KPNA3: variants seen among roughly 807,000 people sequenced by gnomAD.
KPNA3 encodes karyopherin subunit alpha 3, also known as importin subunit alpha-4.
Under a neutral mutation model 73.8 loss-of-function variants are expected in KPNA3, and 13 were observed. That is an observed-to-expected ratio of 0.18 (90% CI 0.11 to 0.28). The LOEUF is 0.28. KPNA3 is among the 10% of genes least tolerant of loss of function. The probability of loss-of-function intolerance (pLI) is 1.00; values close to 1 mark genes in which losing one functional copy is unlikely to be tolerated. For synonymous variants in KPNA3, 186 were observed against 206.9 expected, an observed-to-expected ratio of 0.90 and a Z score of 0.87; for missense variants, 360 against 618.1, an observed-to-expected ratio of 0.58 and a Z score of 4.43.
intron 7 of KPNA3, among the ~76,000 whole-genome samples, chr13:49,723,833 G>A (rs1287555201): frequency 6.8e-6 from 1 of 147,480 alleles, no homozygotes; most frequent in Non-Finnish European, 1.5e-5. Flanking sequence ...TCACGCCACT[G>A]CACTCCAGCC....
chr13:49,790,422 T>A lies in KPNA3; in HGVS notation c.69+2016A>T, dbSNP rs78301088. Among the ~76,000 whole-genome samples the A allele has an allele frequency of 3.3e-3, 499 of 152,320 alleles. 1 individual carries two copies. The highest frequency in any genetic ancestry group is 6.0e-3 in the Non-Finnish European group (410 of 68,026). On this transcript the variant is annotated intron_variant, in intron 1 of 16. Transcript: ENST00000261667. ...TTTGAGCTTGCAGCTGAGCTATGAG[T>A]GCCTGAGCACTCCAACTTGGGTAAA...
intron 2 of KPNA3, among the ~76,000 whole-genome samples, chr13:49,739,857 T>TA (rs1196859152): frequency 6.6e-6 from 1 of 152,222 alleles, no homozygotes; most frequent in Admixed American, 6.5e-5. Context: ...AGACCTGCTT[T>TA]AAACATATTA....
At chr13:49,748,509 C>T (rs1390196835) in intron 1 of KPNA3, among the ~76,000 whole-genome samples, 1 of 151,932 alleles carries the variant, frequency 6.6e-6, no homozygotes, top group Admixed American at 6.6e-5. Context: ...TGCCAAGGTT[C>T]AGTGTGCTAT....
intron 1 of KPNA3, among the ~76,000 whole-genome samples, chr13:49,752,900 G>A (rs2146437): frequency 0.42 from 63,981 of 150,548 alleles, 14,069 homozygotes; most frequent in South Asian, 0.59. Context: ...GGTGGCGGGC[G>A]CCTGTAGTCC....
intron 2 of KPNA3, among the ~76,000 whole-genome samples, chr13:49,733,774 T>A (rs1023347844): frequency 2.6e-5 from 4 of 152,180 alleles, no homozygotes; most frequent in Non-Finnish European, 5.9e-5. Context: ...TTTTGCAACT[T>A]TTTTCCTGAA....
intron 10 of KPNA3, among the ~76,000 whole-genome samples, chr13:49,717,419 G>A (rs1224848073): frequency 1.7e-5 from 2 of 115,240 alleles, no homozygotes; most frequent in Non-Finnish European, 1.6e-5. Context: ...GACAGAGCAA[G>A]ACTCCATCTC....
At chr13:49,771,518 C>G (rs2137594385) in intron 1 of KPNA3, among the ~76,000 whole-genome samples, 1 of 152,272 alleles carries the variant, frequency 6.6e-6, no homozygotes, top group South Asian at 2.1e-4. Flanking sequence ...GCCAGTGGCG[C>G]AATCACCATT....
chr13:49,703,548 C>A (rs1193147360), intron 15 of KPNA3, among the ~76,000 whole-genome samples: 1 of 152,004 alleles, frequency 6.6e-6, no homozygotes, highest in Non-Finnish European at 1.5e-5. Context: ...ATGTTATTAC[C>A]TTTATATAAC....
At chr13:49,715,890 C>T (rs1047779576) in intron 10 of KPNA3, among the ~76,000 whole-genome samples, 1 of 152,322 alleles carries the variant, frequency 6.6e-6, no homozygotes, top group East Asian at 1.9e-4. Flanking sequence ...GGCCTAAATG[C>T]CTATCCATAA....
At chr13:49,753,750 G>A (rs1265947166) in intron 1 of KPNA3, among the ~76,000 whole-genome samples, 5 of 152,300 alleles carry the variant, frequency 3.3e-5, no homozygotes, top group South Asian at 4.1e-4. Flanking sequence ...AACTGAGCAC[G>A]TGAGGGATCT....
At chr13:49,775,600 C>T (rs1954891721) in intron 1 of KPNA3, among the ~76,000 whole-genome samples, 1 of 152,162 alleles carries the variant, frequency 6.6e-6, no homozygotes. Flanking sequence ...AGGCCCAGTT[C>T]ATCCCCACCA....
chr13:49,788,688 C>CT (rs1466804391), intron 1 of KPNA3, among the ~76,000 whole-genome samples: 1 of 149,706 alleles, frequency 6.7e-6, no homozygotes, highest in Non-Finnish European at 1.5e-5. Context: ...GGCCACTGCA[C>CT]TCCACCCTTG....
At chr13:49,731,557 C>G (rs999932135) in intron 6 of KPNA3, among the ~76,000 whole-genome samples, 1 of 152,024 alleles carries the variant, frequency 6.6e-6, no homozygotes, top group Admixed American at 6.6e-5. Flanking sequence ...TACTAAAAAC[C>G]CTTAGTGGCA....
chr13:49,717,489 G>A (rs956820064), intron 10 of KPNA3, among the ~76,000 whole-genome samples: 4 of 149,350 alleles, frequency 2.7e-5, no homozygotes, highest in South Asian at 2.1e-4. Flanking sequence ...ACTCCTTAGC[G>A]AACGTATTAG....
At position 49,716,229 on chromosome 13, in the gene KPNA3, C is replaced by T. The variant is rs184706775; in HGVS notation, c.771+3546G>A. On this transcript the variant is annotated intron_variant, in intron 10 of 16. Coordinates refer to ENST00000261667, the MANE Select transcript of KPNA3 (RefSeq NM_002267.4). ...CTGGGCTTGAACTCCTGGGCTCAAG[C>T]GATTTTCTTGCCTTTGATCTATATT... 2.6e-5 allele frequency among the ~76,000 whole-genome samples: 4 copies of T among 152,116 alleles called. No homozygotes were observed. In the East Asian group the frequency reaches 5.8e-4, roughly 22 times the overall value.
chr13:49,792,673 C>T lies in KPNA3; in HGVS notation c.-167G>A. ...GGTGGCAGTAGCGCCGGGGGAGGCGCGGGCCGACTGCCGGGCCGGGTGGGG... is the reference window on the plus strand; with the variant it reads ...GGTGGCAGTAGCGCCGGGGGAGGCGTGGGCCGACTGCCGGGCCGGGTGGGG... On this transcript the variant is annotated 5_prime_UTR_variant, in exon 1 of 17. Transcript: ENST00000261667. The T allele has an allele frequency of 2.8e-6, 1 of 362,786 alleles. No individual in the cohort carries two copies. The highest frequency in any genetic ancestry group is 2.4e-5 in the South Asian group (1 of 40,918). The allele number at this position is 362,786 out of a possible 1,614,324, so 22.5% of individuals were successfully genotyped here.
intron 1 of KPNA3, among the ~76,000 whole-genome samples, chr13:49,781,303 T>C (rs933543602): frequency 6.6e-6 from 1 of 152,090 alleles, no homozygotes; most frequent in Non-Finnish European, 1.5e-5. Flanking sequence ...TGAGGTAGAG[T>C]AGGAAAATGG....
intron 6 of KPNA3, among the ~76,000 whole-genome samples, chr13:49,730,635 ATACTT>A: frequency 6.7e-6 from 1 of 149,030 alleles, no homozygotes; most frequent in Non-Finnish European, 1.5e-5. Flanking sequence ...TATTATTATT[ATACTT>A]TAAGTTTTAG....
At chr13:49,717,475 A>T (rs9568313) in intron 10 of KPNA3, among the ~76,000 whole-genome samples, 63,685 of 149,838 alleles carry the variant, frequency 0.43, 14,127 homozygotes, top group South Asian at 0.59. Flanking sequence ...GACTCTGCAA[A>T]TTAACTCCTT....
Sources: gnomAD v4.1 joint callset for allele counts (sites outside exome capture counted in the v4.1 genomes callset) on GRCh38, gnomAD v4.1.1 for gene constraint, MANE v1.5 for transcripts, NCBI Gene and HGNC (gene_info 2026-07-23, HGNC 2026-07-21) for gene names.